The following RGS6 variants were observed in gnomAD, a reference collection of about 807,000 sequenced individuals.
RGS6 encodes regulator of G protein signaling 6, also known as regulator of G-protein signaling 6.
In RGS6, 30 loss-of-function variants were observed where a neutral mutation model predicts 78.5. The ratio of observed to expected loss-of-function variants is 0.38; its 90% CI spans 0.29 to 0.52. The LOEUF (loss-of-function observed/expected upper bound fraction) is 0.52, where lower values mean the gene tolerates loss of function less well. Ranked by LOEUF, RGS6 falls within the 20% of genes least tolerant of loss-of-function variation. RGS6 has a pLI of 0.85. For missense variants in RGS6, 495 were observed against 609.7 expected (o/e 0.81, Z 1.98); for synonymous variants, 206 against 206.0 (o/e 1.00, Z 0.00).
chr14:72,548,814 A>AAGAT (rs888015941), intron 17 of RGS6, among the ~76,000 whole-genome samples: 1 of 152,206 alleles, frequency 6.6e-6, no homozygotes, highest in African/African-American at 2.4e-5. Context: ...AAATGGCTAG[A>AAGAT]AGATAGATAG....
downstream of RGS6, among the ~76,000 whole-genome samples, chr14:72,568,151 C>T (rs1030421178): frequency 6.6e-6 from 1 of 152,184 alleles, no homozygotes; most frequent in East Asian, 1.9e-4. Context: ...CCAGGTCTGG[C>T]TTATTTCAGC....
chr14:72,186,024 T>C (rs2097240055), intron 2 of RGS6, among the ~76,000 whole-genome samples: 3 of 152,244 alleles, frequency 2.0e-5, no homozygotes, highest in Admixed American at 6.5e-5. Context: ...TGAGTATTAT[T>C]CTCTTCTATG....
At chr14:71,932,319 C>T (rs183058573), upstream of RGS6, 25 of 148,562 alleles carry the variant, frequency 1.7e-4, no homozygotes, top group African/African-American at 6.1e-4. Context: ...GGTCCGGGCC[C>T]AGGTGCCGGG....
intron 2 of RGS6, among the ~76,000 whole-genome samples, chr14:72,028,026 C>T (rs775319755): frequency 7.2e-5 from 11 of 152,202 alleles, no homozygotes; most frequent in Non-Finnish European, 1.3e-4. Flanking sequence ...TGGGTGACTG[C>T]GTGTTTGTGC....
intron 2 of RGS6, among the ~76,000 whole-genome samples, chr14:72,274,142 T>A (rs929724244): frequency 2.6e-5 from 4 of 152,152 alleles, no homozygotes; most frequent in Admixed American, 1.3e-4. Context: ...AGGGGTACAT[T>A]AGATACTCTA....
intron 17 of RGS6, among the ~76,000 whole-genome samples, chr14:72,549,160 A>C (rs1355803424): frequency 6.6e-6 from 1 of 152,242 alleles, no homozygotes; most frequent in Non-Finnish European, 1.5e-5. Context: ...AAAAGCCACA[A>C]GATGACACAC....
Position 72,056,767 on chromosome 14 carries a change from C to T in RGS6, c.84+91892C>T, listed in dbSNP as rs553308689. 1.1e-3 allele frequency among the ~76,000 whole-genome samples: 169 copies of T among 152,288 alleles called. 2 individuals are homozygous for T. The highest frequency in any genetic ancestry group is 2.7e-3 in the Admixed American group (41 of 15,300). Reference sequence around the variant, plus strand: ...TAATCATGTTCATATTGTACTGTATCTGCAACCATCTGTAATACAGCTGTA... The same window carrying T: ...TAATCATGTTCATATTGTACTGTATTTGCAACCATCTGTAATACAGCTGTA... On this transcript the variant is annotated intron_variant, in intron 2 of 17. Transcript: ENST00000553525.
intron 2 of RGS6, among the ~76,000 whole-genome samples, chr14:72,156,461 A>C (rs1160712879): frequency 2.0e-5 from 3 of 151,170 alleles, no homozygotes; most frequent in Non-Finnish European, 4.4e-5. Flanking sequence ...CTCAAAAAAA[A>C]AAAAAAAAAA....
chr14:72,398,055 G>A (rs1264096580), intron 3 of RGS6, among the ~76,000 whole-genome samples: 10 of 152,146 alleles, frequency 6.6e-5, no homozygotes, highest in East Asian at 5.8e-4. Context: ...TCAGGATGAC[G>A]CTGGCCTCAT....
intron 2 of RGS6, among the ~76,000 whole-genome samples, chr14:72,028,155 T>A (rs1411346617): frequency 3.9e-5 from 6 of 152,230 alleles, no homozygotes; most frequent in Admixed American, 3.3e-4. Context: ...CGAACTTCTA[T>A]CTGGTTGGAA....
At chr14:72,310,092 A>G (rs1225658434) in intron 2 of RGS6, among the ~76,000 whole-genome samples, 1 of 152,066 alleles carries the variant, frequency 6.6e-6, no homozygotes, top group Non-Finnish European at 1.5e-5. Flanking sequence ...CATGTTGGTC[A>G]TTCATTATTG....
intron 2 of RGS6, among the ~76,000 whole-genome samples, chr14:72,311,396 C>G (rs1308532771): frequency 1.3e-5 from 2 of 152,026 alleles, no homozygotes; most frequent in East Asian, 1.9e-4. Flanking sequence ...AAGATTTGGC[C>G]TGGGAGAGTA....
In RGS6 at chr14:72,192,214, T is replaced by C. The variant is rs533406263; in HGVS notation, c.85-159881T>C. On this transcript the variant is annotated intron_variant, in intron 2 of 17. Coordinates refer to ENST00000553525, the MANE Select transcript of RGS6 (RefSeq NM_001204424.2). ...ATCAGATCTGGAGACATGAAGTCAT[T>C]GTTTTCCTGGTGGGGAGTGTGACAC... Among the ~76,000 whole-genome samples, 6 of 152,318 alleles carry C rather than the reference T, an allele frequency of 3.9e-5. 1 individual carries two copies. The East Asian group carries it at 1.2e-3, about 29-fold the overall frequency.
At chr14:71,947,394 GCTT>G (rs1167136084) in intron 1 of RGS6, among the ~76,000 whole-genome samples, 1 of 152,054 alleles carries the variant, frequency 6.6e-6, no homozygotes, top group Non-Finnish European at 1.5e-5. Flanking sequence ...GCTTTCAAAA[GCTT>G]CTCTGCAAAA....
At chr14:72,002,238 CCAAGTAGGAAGTCCA>C (rs1347917064) in intron 2 of RGS6, among the ~76,000 whole-genome samples, 1 of 152,054 alleles carries the variant, frequency 6.6e-6, no homozygotes, top group African/African-American at 2.4e-5. Flanking sequence ...GATAGGCACC[CCAAGTAGGAAGTCCA>C]AATGCTGATA....
At chr14:72,413,466 G>A (rs2093579715) in intron 3 of RGS6, among the ~76,000 whole-genome samples, 1 of 152,130 alleles carries the variant, frequency 6.6e-6, no homozygotes, top group Non-Finnish European at 1.5e-5. Flanking sequence ...GTGTGTCTCT[G>A]CACGTGAGAT....
chr14:72,199,271 C>T (rs1271392798), intron 2 of RGS6, among the ~76,000 whole-genome samples: 1 of 152,116 alleles, frequency 6.6e-6, no homozygotes, highest in African/African-American at 2.4e-5. Context: ...TGCCATTATC[C>T]ACTGCGTCAT....
chr14:72,609,607 G>A, the RGS6 span, among the ~76,000 whole-genome samples: 578 of 152,280 alleles, frequency 3.8e-3, 9 homozygotes, highest in African/African-American at 0.013. Flanking sequence ...GTGGGAACCT[G>A]ACACACGTGG....
intron 2 of RGS6, among the ~76,000 whole-genome samples, chr14:72,056,733 A>G (rs1009949802): frequency 6.6e-6 from 1 of 152,170 alleles, no homozygotes; most frequent in African/African-American, 2.4e-5. Flanking sequence ...CCTTTGGCCT[A>G]TGTATTTTTA....
Sources: gnomAD v4.1 joint callset for allele counts (sites outside exome capture counted in the v4.1 genomes callset) on GRCh38, gnomAD v4.1.1 for gene constraint, MANE v1.5 for transcripts, NCBI Gene and HGNC (gene_info 2026-07-23, HGNC 2026-07-21) for gene names.